The following ARHGAP42 variants were observed in gnomAD, a reference collection of about 807,000 sequenced individuals.
ARHGAP42 encodes rho GTPase-activating protein 42.
A neutral mutation model predicts 125.0 loss-of-function variants in ARHGAP42; 63 were observed. The observed-to-expected ratio is 0.50, with a 90% CI of 0.41 to 0.62. The LOEUF is 0.62. Among genes scored for constraint, ARHGAP42 ranks in the 20% least tolerant of loss-of-function variants. The pLI, the probability that ARHGAP42 is intolerant of heterozygous loss-of-function variation, is 0.00. For synonymous variants in ARHGAP42, 339 were observed against 351.0 expected, an observed-to-expected ratio of 0.97 and a Z score of 0.38; for missense variants, 766 against 1,024.2, an observed-to-expected ratio of 0.75 and a Z score of 3.44.
chr11:100,888,176 G>A (rs116755798), intron 4 of ARHGAP42, among the ~76,000 whole-genome samples: 1,836 of 152,002 alleles, frequency 0.012, 11 homozygotes, highest in Middle Eastern at 0.02. Context: ...GGAGCAGAAC[G>A]CCCCAAACAT....
In ARHGAP42 at chr11:100,783,074, C is replaced by T. The variant is rs537995496; in HGVS notation, c.251-12031C>T. On this transcript the variant is annotated intron_variant, in intron 2 of 23. Transcript: ENST00000298815. ...TAAGGCAAACTCCCCAGGGTGATGACCGTAAGATCCTTTAATTTTATGGAG... is the reference window on the plus strand; with the variant it reads ...TAAGGCAAACTCCCCAGGGTGATGATCGTAAGATCCTTTAATTTTATGGAG... 1.6e-4 allele frequency among the ~76,000 whole-genome samples: 25 copies of T among 152,244 alleles called. 1 individual carries two copies. In the East Asian group the frequency reaches 4.8e-3, roughly 29 times the overall value.
intron 3 of ARHGAP42, among the ~76,000 whole-genome samples, chr11:100,808,707 A>C (rs1168515353): frequency 6.6e-6 from 1 of 152,192 alleles, no homozygotes; most frequent in African/African-American, 2.4e-5. Flanking sequence ...GCCCGGCCAA[A>C]TTCACTCTTA....
chr11:100,822,114 A>T (rs150649621), intron 3 of ARHGAP42, among the ~76,000 whole-genome samples: 1 of 152,248 alleles, frequency 6.6e-6, no homozygotes, highest in African/African-American at 2.4e-5. Context: ...ATAGGGTGGC[A>T]TTTGACACCT....
At chr11:100,948,605 T>C in intron 11 of ARHGAP42, 70 bp downstream of exon 11, 3 of 1,229,706 alleles carry the variant, frequency 2.4e-6, no homozygotes, top group Non-Finnish European at 3.4e-6. Context: ...GAAATTCTTT[T>C]CATAGTATAC....
chr11:100,979,305 C>T (rs1858472220), intron 22 of ARHGAP42, among the ~76,000 whole-genome samples: 1 of 152,176 alleles, frequency 6.6e-6, no homozygotes, highest in South Asian at 2.1e-4. Flanking sequence ...ATAAAAATTG[C>T]TATAATCCTT....
At position 100,899,844 on chromosome 11, in the gene ARHGAP42, G is replaced by T. The variant is rs539620354; in HGVS notation, c.385-13608G>T. Among the ~76,000 whole-genome samples, 15 of 151,594 alleles carry T rather than the reference G, an allele frequency of 9.9e-5. 1 individual carries two copies. The South Asian group carries it at 3.1e-3, about 32-fold the overall frequency. ...TCTCCTGAATACAGCACACTGATAGGTCTTGACTCTTTATCCAATTTGCCA... is the reference window on the plus strand; with the variant it reads ...TCTCCTGAATACAGCACACTGATAGTTCTTGACTCTTTATCCAATTTGCCA... On this transcript the variant is annotated intron_variant, in intron 4 of 23. Coordinates refer to ENST00000298815, the MANE Select transcript of ARHGAP42 (RefSeq NM_152432.4).
intron 1 of ARHGAP42, among the ~76,000 whole-genome samples, chr11:100,708,812 G>A (rs1321951224): frequency 6.6e-6 from 1 of 152,110 alleles, no homozygotes; most frequent in East Asian, 1.9e-4. Context: ...ACTGAGGATA[G>A]TAACAAACCC....
At chr11:100,880,142 T>A (rs7933673) in intron 4 of ARHGAP42, among the ~76,000 whole-genome samples, 1 of 152,084 alleles carries the variant, frequency 6.6e-6, no homozygotes, top group African/African-American at 2.4e-5. Flanking sequence ...GAACAGGTGG[T>A]GTTTGGTTAC....
chr11:100,776,680 C>G (rs1376690019), intron 2 of ARHGAP42, among the ~76,000 whole-genome samples: 4 of 152,060 alleles, frequency 2.6e-5, no homozygotes, highest in Non-Finnish European at 1.5e-5. Flanking sequence ...AGGATAGTGC[C>G]TAATAGTTAG....
chr11:100,698,587 G>A (rs550523409), intron 1 of ARHGAP42, among the ~76,000 whole-genome samples: 30 of 152,244 alleles, frequency 2.0e-4, no homozygotes, highest in African/African-American at 5.5e-4. Context: ...AGGCTGAGAC[G>A]GGAGAATCAC....
At chr11:100,756,249 G>A (rs919696618) in intron 1 of ARHGAP42, among the ~76,000 whole-genome samples, 44 of 117,442 alleles carry the variant, frequency 3.7e-4, no homozygotes, top group Middle Eastern at 4.9e-3. Flanking sequence ...AAAAAAAAAA[G>A]TAGCTGGGCA....
chr11:100,980,552 T>TCTC (rs1300978762), intron 22 of ARHGAP42, among the ~76,000 whole-genome samples: 3 of 72,288 alleles, frequency 4.2e-5, no homozygotes, highest in African/African-American at 1.5e-4. Context: ...TACTTCTTTT[T>TCTC]CTTCTTCTTT....
In ARHGAP42 at chr11:100,869,467, G is replaced by A. The variant is rs1057311202; in HGVS notation, c.384+9842G>A. ...CTCTATCTTTACAACGTCCTTGTGA[G>A]GTATCAGCCCTGACTCCATTAACAC... On this transcript the variant is annotated intron_variant, in intron 4 of 23. Transcript: ENST00000298815. Among the ~76,000 whole-genome samples the A allele has an allele frequency of 5.3e-5, 8 of 151,244 alleles. No individual in the cohort carries two copies. In the South Asian group the frequency reaches 1.5e-3, roughly 28 times the overall value.
chr11:100,949,520 G>C (rs1356425306), intron 11 of ARHGAP42, among the ~76,000 whole-genome samples: 1 of 152,120 alleles, frequency 6.6e-6, no homozygotes, highest in Non-Finnish European at 1.5e-5. Flanking sequence ...TAGTTTGTTA[G>C]CCCAACAATG....
chr11:100,959,899 A>C lies in ARHGAP42; in HGVS notation c.1179A>C (p.Ala393=). The change falls in exon 13 of 24, where the codon GCA becomes GCC. Residue 393 remains alanine (A), a synonymous_variant. Transcript: ENST00000298815. ...TATTTTCAGTGTATTTGAATGAAGCAGGGTTCAACTTTGTGAGAAAATGCA... is the reference window on the plus strand; with the variant it reads ...TATTTTCAGTGTATTTGAATGAAGCCGGGTTCAACTTTGTGAGAAAATGCA... ...SKKEEMYLNE[A]GFNFVRKCIQ... 1.3e-6 allele frequency: 2 copies of C among 1,551,486 alleles called. No individual in the cohort carries two copies. The highest frequency in any genetic ancestry group is 1.7e-6 in the Non-Finnish European group (2 of 1,146,582).
At chr11:100,890,510 A>G (rs1348291603) in intron 4 of ARHGAP42, among the ~76,000 whole-genome samples, 1 of 152,188 alleles carries the variant, frequency 6.6e-6, no homozygotes, top group Non-Finnish European at 1.5e-5. Context: ...AGGAAATCTG[A>G]GAAATAACCT....
intron 1 of ARHGAP42, among the ~76,000 whole-genome samples, chr11:100,750,955 T>TTTA (rs1862435692): frequency 1.5e-5 from 2 of 136,038 alleles, no homozygotes; most frequent in African/African-American, 5.5e-5. Context: ...TTTTTTTTTT[T>TTTA]GAGATGGAGT....
chr11:100,925,043 G>C (rs192924284), intron 6 of ARHGAP42, among the ~76,000 whole-genome samples: 16 of 152,036 alleles, frequency 1.1e-4, no homozygotes, highest in African/African-American at 3.6e-4. Context: ...TGTTGGCCAG[G>C]CTGTTCTCGA....
chr11:100,804,176 T>C (rs1038749317), intron 3 of ARHGAP42, among the ~76,000 whole-genome samples: 1 of 152,104 alleles, frequency 6.6e-6, no homozygotes, highest in Non-Finnish European at 1.5e-5. Context: ...TTTTCAGAGA[T>C]TGTGGGTCTC....
Sources: allele counts gnomAD v4.1 joint callset (sites outside exome capture counted in the v4.1 genomes callset), GRCh38; gene constraint gnomAD v4.1.1; transcripts MANE v1.5; gene names NCBI Gene and HGNC (gene_info 2026-07-23, HGNC 2026-07-21).